Variants in OVCH1 observed in about 807,000 individuals in gnomAD.
OVCH1 encodes the protein ovochymase-1.
A neutral mutation model predicts 138.4 loss-of-function variants in OVCH1; 139 were observed. The observed-to-expected ratio is 1.00, with a 90% CI of 0.87 to 1.16. The LOEUF is 1.16. Ranked by LOEUF, OVCH1 falls within the 50% of genes most tolerant of loss-of-function variation. OVCH1 has a pLI of 0.00. For synonymous variants in OVCH1, 453 were observed against 467.8 expected (o/e 0.97, Z 0.41); for missense variants, 1,367 against 1,357.9 (o/e 1.01, Z -0.11).
At chr12:29,460,238 G>T (rs534794028) in intron 19 of OVCH1, among the ~76,000 whole-genome samples, 3 of 152,030 alleles carry the variant, frequency 2.0e-5, no homozygotes, top group African/African-American at 7.2e-5. Flanking sequence ...TTTTCTTTCC[G>T]CACAAAATAA....
intron 23 of OVCH1, among the ~76,000 whole-genome samples, chr12:29,444,535 A>G (rs1012363208): frequency 1.3e-5 from 2 of 152,096 alleles, no homozygotes; most frequent in Non-Finnish European, 2.9e-5. Flanking sequence ...ACAGCTATAG[A>G]TAATACCTGT....
intron 26 of OVCH1, among the ~76,000 whole-genome samples, chr12:29,437,557 A>C (rs775514358): frequency 5.9e-5 from 9 of 152,180 alleles, no homozygotes; most frequent in Non-Finnish European, 1.3e-4. Flanking sequence ...ATTCTAGTAA[A>C]TGTAGTTTGC....
At position 29,473,015 on chromosome 12, in the gene OVCH1, T is replaced by C. The variant is rs1942568059; in HGVS notation, c.1675+14A>G. ...CAAGATTAAACAGATAGTAATAACA[T>C]GTCACCAACTCACCATGCAGAATAG... On this transcript the variant is annotated intron_variant, in intron 15 of 27. Coordinates refer to ENST00000318184, the Ensembl canonical transcript of OVCH1. The C allele has an allele frequency of 6.3e-7, 1 of 1,594,866 alleles. No homozygotes were observed. The highest frequency in any genetic ancestry group is 8.6e-7 in the Non-Finnish European group (1 of 1,165,336).
At chr12:29,478,559 A>G (rs1030984346) in intron 9 of OVCH1, among the ~76,000 whole-genome samples, 20 of 152,212 alleles carry the variant, frequency 1.3e-4, no homozygotes, top group African/African-American at 4.1e-4. Flanking sequence ...CAGTGTGTTG[A>G]TCACTGTCTC....
chr12:29,451,278 C>T, intron 22 of OVCH1, 67 bp downstream of exon 22: 1 of 1,311,706 alleles, frequency 7.6e-7, no homozygotes, highest in Non-Finnish European at 1.1e-6. Flanking sequence ...CAGACTCATT[C>T]CTGATCATAA....
intron 3 of OVCH1, among the ~76,000 whole-genome samples, chr12:29,422,389 T>A (rs1198825015): frequency 6.6e-6 from 1 of 152,184 alleles, no homozygotes; most frequent in Non-Finnish European, 1.5e-5. Context: ...AGCCCATTCA[T>A]TCCCCTGTCT....
At chr12:29,434,663 G>A (rs1428801037) in intron 26 of OVCH1, among the ~76,000 whole-genome samples, 1 of 151,902 alleles carries the variant, frequency 6.6e-6, no homozygotes. Context: ...AAAATCGTAA[G>A]AGATTTTCAT....
chr12:29,432,869 C>T (rs529539171), intron 27 of OVCH1, among the ~76,000 whole-genome samples: 3 of 152,076 alleles, frequency 2.0e-5, no homozygotes, highest in Non-Finnish European at 2.9e-5. Context: ...AGGGAGAGCT[C>T]GTCTGTGTCA....
At chr12:29,432,771 T>C (rs1941292178) in intron 27 of OVCH1, among the ~76,000 whole-genome samples, 1 of 151,936 alleles carries the variant, frequency 6.6e-6, no homozygotes, top group Non-Finnish European at 1.5e-5. Context: ...CTGACAGTGA[T>C]AGAGAAAATG....
rs185263625 is a variant in OVCH1, at chr12:29,486,510, A to G, written c.893-162T>C. On this transcript the variant is annotated intron_variant, in intron 7 of 27. Coordinates refer to ENST00000318184, the Ensembl canonical transcript of OVCH1. The stretch of plus-strand genomic sequence containing the variant: ...AGTCAGTAACCCACTATGTCTTTTA[A>G]AAAAGGCTAAAGGACTACGTGGAAG... Among the ~76,000 whole-genome samples the G allele has an allele frequency of 3.0e-3, 458 of 152,346 alleles. 1 individual carries two copies. Among genetic ancestry groups the G allele is most frequent in the African/African-American group, 0.01 (436 of 41,580 alleles).
intron 2 of OVCH1, 84 bp from the exon 3 acceptor site, chr12:29,496,362 C>A: frequency 8.0e-7 from 1 of 1,252,670 alleles, no homozygotes; most frequent in Non-Finnish European, 1.1e-6. Flanking sequence ...ATCAACTTTT[C>A]TAATCTGACA....
chr12:29,492,596 G>T (rs1170045988), intron 4 of OVCH1, among the ~76,000 whole-genome samples: 1 of 152,104 alleles, frequency 6.6e-6, no homozygotes, highest in Non-Finnish European at 1.5e-5. Flanking sequence ...AGTATTGCCT[G>T]GAACAAGATG....
Position 29,487,678 on chromosome 12 carries a change from A to G in OVCH1, c.892+15T>C. 1 of 1,573,948 alleles carries G rather than the reference A, an allele frequency of 6.4e-7. No homozygotes were observed. The highest frequency in any genetic ancestry group is 8.6e-7 in the Non-Finnish European group (1 of 1,156,478). On this transcript the variant is annotated intron_variant, in intron 7 of 27. Coordinates refer to ENST00000318184, the Ensembl canonical transcript of OVCH1. ...CTTGAGTTAGGATGAGATGAGGAAG[A>G]AAGAATTCACCTACCTGTGAACAGG...
chr12:29,480,985 C>T (rs931143287), intron 8 of OVCH1, among the ~76,000 whole-genome samples: 11 of 152,062 alleles, frequency 7.2e-5, no homozygotes, highest in African/African-American at 2.4e-4. Flanking sequence ...TTTCTGTAGA[C>T]CTGAATTGAA....
chr12:29,461,994 T>C (rs1375501020), exon 19 of OVCH1: 20 of 1,611,896 alleles, frequency 1.2e-5, no homozygotes, highest in Non-Finnish European at 1.6e-5. Flanking sequence ...TGTAGGCGAC[T>C]TGCTAGGCCA....
chr12:29,477,167 C>G, exon 12 of OVCH1: 3 of 1,613,652 alleles, frequency 1.9e-6, no homozygotes, highest in Admixed American at 1.7e-5. Context: ...GGATACAAAT[C>G]AGGATACTTG....
intron 3 of OVCH1, among the ~76,000 whole-genome samples, chr12:29,417,537 T>G (rs1434248754): frequency 6.6e-6 from 1 of 151,784 alleles, no homozygotes; most frequent in African/African-American, 2.4e-5. Flanking sequence ...ATATCTTGAT[T>G]GTATCAATAT....
At chr12:29,429,432 G>A (rs948970706) in intron 27 of OVCH1, among the ~76,000 whole-genome samples, 1 of 152,178 alleles carries the variant, frequency 6.6e-6, no homozygotes, top group Non-Finnish European at 1.5e-5. Flanking sequence ...AGAAATCACT[G>A]ACAACAAATG....
chr12:29,486,231 T>C lies in OVCH1; in HGVS notation c.995+15A>G. On this transcript the variant is annotated intron_variant, in intron 8 of 27. Coordinates refer to ENST00000318184, the Ensembl canonical transcript of OVCH1. ...CTTTCTTCAAGTCAGCTTCCTTCTC[T>C]AATTAGAACCACACATACCCTTTCC... 1.3e-6 allele frequency: 2 copies of C among 1,595,836 alleles called. No individual in the cohort carries two copies. Among genetic ancestry groups the C allele is most frequent in the Non-Finnish European group, 1.7e-6 (2 of 1,163,946 alleles).
Sources: gnomAD v4.1 joint callset for allele counts (sites outside exome capture counted in the v4.1 genomes callset) on GRCh38, gnomAD v4.1.1 for gene constraint, MANE v1.5 for transcripts, NCBI Gene and HGNC (gene_info 2026-07-23, HGNC 2026-07-21) for gene names.